DYNC1I1: variants seen among roughly 807,000 people sequenced by gnomAD.
DYNC1I1 encodes the protein dynein cytoplasmic 1 intermediate chain 1.
A neutral mutation model predicts 86.6 loss-of-function variants in DYNC1I1; 43 were observed. The ratio of observed to expected loss-of-function variants is 0.50; its 90% CI spans 0.39 to 0.64. The LOEUF is 0.64. DYNC1I1 is among the 30% of genes least tolerant of loss of function. The pLI is 0.00. For missense variants in DYNC1I1, 604 were observed against 788.8 expected (o/e 0.77, Z 2.81); for synonymous variants, 262 against 283.7 (o/e 0.92, Z 0.77).
Position 96,076,122 on chromosome 7 carries a change from C to T in DYNC1I1, c.1575C>T (p.Pro525=). Residue 525 remains proline (P), a synonymous_variant, in exon 15 of 17, where the codon CCC becomes CCT. Coordinates refer to ENST00000447467, the MANE Select transcript of DYNC1I1 (RefSeq NM_001135556.2). ...ATGTGTACGATGTCATGTGGTCCCCCGTGCATCCTGCGCTTTTTGCCTGCG... is the reference window on the plus strand; with the variant it reads ...ATGTGTACGATGTCATGTGGTCCCCTGTGCATCCTGCGCTTTTTGCCTGCG... The part of the protein sequence containing the change: ...ADYVYDVMWS[P]VHPALFACVD... 6.2e-7 allele frequency: 1 copy of T among 1,614,142 alleles called. No homozygotes were observed. Among genetic ancestry groups the T allele is most frequent in the South Asian group, 1.1e-5 (1 of 91,088 alleles).
At chr7:95,967,237 G>A (rs192647135) in intron 6 of DYNC1I1, among the ~76,000 whole-genome samples, 89 of 152,276 alleles carry the variant, frequency 5.8e-4, no homozygotes, top group Admixed American at 2.2e-3. Flanking sequence ...AAACATAATA[G>A]TTCTTTGATT....
At chr7:95,920,011 T>C (rs774808047) in intron 6 of DYNC1I1, among the ~76,000 whole-genome samples, 2 of 152,184 alleles carry the variant, frequency 1.3e-5, no homozygotes, top group East Asian at 3.8e-4. Flanking sequence ...ATTTTGTATC[T>C]TCAAGGAGGT....
intron 5 of DYNC1I1, among the ~76,000 whole-genome samples, chr7:95,837,290 G>T (rs1231117481): frequency 6.6e-6 from 1 of 151,978 alleles, no homozygotes; most frequent in African/African-American, 2.4e-5. Flanking sequence ...GGGGGTCAGG[G>T]GTCAGGGACC....
chr7:95,861,154 C>T (rs1216011826), intron 5 of DYNC1I1, among the ~76,000 whole-genome samples: 1 of 152,086 alleles, frequency 6.6e-6, no homozygotes, highest in East Asian at 1.9e-4. Flanking sequence ...GCCTCTGCCA[C>T]CTTATCTACC....
At chr7:96,108,787 A>G (rs1395034885) in intron 16 of DYNC1I1, among the ~76,000 whole-genome samples, 1 of 151,406 alleles carries the variant, frequency 6.6e-6, no homozygotes, top group Non-Finnish European at 1.5e-5. Flanking sequence ...CTTGAACCCA[A>G]GAAGCAGAGG....
intron 13 of DYNC1I1, among the ~76,000 whole-genome samples, chr7:96,038,230 G>A (rs1347007480): frequency 1.3e-5 from 2 of 152,110 alleles, no homozygotes; most frequent in East Asian, 1.9e-4. Context: ...TGCTCCAGAG[G>A]CCCAAATGTT....
At chr7:96,040,966 C>T (rs1292064323) in intron 14 of DYNC1I1, among the ~76,000 whole-genome samples, 1 of 152,104 alleles carries the variant, frequency 6.6e-6, no homozygotes, top group Non-Finnish European at 1.5e-5. Context: ...AAATGATCTG[C>T]CCGCCTTGTC....
At chr7:95,961,559 C>A (rs1792869174) in intron 6 of DYNC1I1, among the ~76,000 whole-genome samples, 2 of 152,088 alleles carry the variant, frequency 1.3e-5, no homozygotes, top group African/African-American at 4.8e-5. Flanking sequence ...TGTGAAGGCA[C>A]TGGGAACAAT....
chr7:96,046,293 G>T (rs1378010618), intron 14 of DYNC1I1, among the ~76,000 whole-genome samples: 1 of 152,106 alleles, frequency 6.6e-6, no homozygotes, highest in Non-Finnish European at 1.5e-5. Context: ...TTTTAGGAGA[G>T]AATTAATCAA....
At chr7:95,867,926 C>G (rs573658938) in intron 5 of DYNC1I1, among the ~76,000 whole-genome samples, 1 of 152,194 alleles carries the variant, frequency 6.6e-6, no homozygotes, top group South Asian at 2.1e-4. Context: ...AGACCCACTT[C>G]AGGCAGGAAA....
chr7:96,038,496 T>A (rs1788938631), intron 13 of DYNC1I1, among the ~76,000 whole-genome samples: 1 of 152,190 alleles, frequency 6.6e-6, no homozygotes, highest in African/African-American at 2.4e-5. Context: ...TATCATTATT[T>A]CTCAAATGTG....
chr7:96,106,056 G>A (rs949787645), intron 16 of DYNC1I1, among the ~76,000 whole-genome samples: 6 of 152,130 alleles, frequency 3.9e-5, no homozygotes, highest in South Asian at 2.1e-4. Context: ...GTCTTGCTAG[G>A]AGAGTTATTT....
At chr7:95,781,039 A>G (rs1468071845) in intron 1 of DYNC1I1, among the ~76,000 whole-genome samples, 1 of 152,166 alleles carries the variant, frequency 6.6e-6, no homozygotes, top group Non-Finnish European at 1.5e-5. Context: ...GCTTCCTTGA[A>G]AAGTGTGACT....
chr7:96,107,844 C>G (rs146276141), intron 16 of DYNC1I1, among the ~76,000 whole-genome samples: 11 of 147,270 alleles, frequency 7.5e-5, no homozygotes, highest in South Asian at 4.3e-4. Flanking sequence ...TTTTGAGGAA[C>G]GGTTTTATCA....
intron 8 of DYNC1I1, among the ~76,000 whole-genome samples, chr7:95,985,939 C>G (rs564159508): frequency 1.8e-4 from 27 of 151,142 alleles, no homozygotes; most frequent in Non-Finnish European, 3.2e-4. Context: ...TTTGAAAAGC[C>G]ATTTTTCTAT....
At chr7:95,934,030 T>C (rs960504264) in intron 6 of DYNC1I1, among the ~76,000 whole-genome samples, 1 of 152,064 alleles carries the variant, frequency 6.6e-6, no homozygotes, top group African/African-American at 2.4e-5. Context: ...CCACTGATAA[T>C]TGTATTTATG....
intron 6 of DYNC1I1, among the ~76,000 whole-genome samples, chr7:95,895,009 T>C (rs1041578753): frequency 5.9e-5 from 9 of 152,174 alleles, no homozygotes; most frequent in African/African-American, 2.2e-4. Context: ...TTTCAGTGCA[T>C]CTCATCAATT....
rs538838973 is a variant in DYNC1I1, at chr7:95,809,987, A to G, written c.109-405A>G. ...AAGATCCCAACAATACCTGGTTTGC[A>G]CAATCCCAAACATGGGGCCTGAATA... On this transcript the variant is annotated intron_variant, in intron 2 of 16. Transcript: ENST00000447467. Among the ~76,000 whole-genome samples, 410 of 152,286 alleles carry G rather than the reference A, an allele frequency of 2.7e-3. 1 individual carries two copies. Among genetic ancestry groups the G allele is most frequent in the African/African-American group, 9.4e-3 (389 of 41,564 alleles).
intron 1 of DYNC1I1, among the ~76,000 whole-genome samples, chr7:95,786,077 A>G (rs1376557636): frequency 1.3e-5 from 2 of 151,644 alleles, no homozygotes; most frequent in Non-Finnish European, 2.9e-5. Context: ...TTTTTTCAAG[A>G]CTCTTACATG....
Sources: allele counts gnomAD v4.1 joint callset (sites outside exome capture counted in the v4.1 genomes callset), GRCh38; gene constraint gnomAD v4.1.1; transcripts MANE v1.5; gene names NCBI Gene and HGNC (gene_info 2026-07-23, HGNC 2026-07-21).